USP49: variants seen among roughly 807,000 people sequenced by gnomAD.
The protein encoded by USP49 is ubiquitin carboxyl-terminal hydrolase 49.
A neutral mutation model predicts 58.6 loss-of-function variants in USP49; 24 were observed. The observed-to-expected ratio is 0.41, with a 90% confidence interval of 0.30 to 0.58. The LOEUF (loss-of-function observed/expected upper bound fraction) is 0.58, where lower values mean the gene tolerates loss of function less well. USP49 is among the 20% of genes least tolerant of loss of function. The probability of loss-of-function intolerance (pLI) is 0.30; values close to 1 mark genes in which losing one functional copy is unlikely to be tolerated. For synonymous variants in USP49, 408 were observed against 365.1 expected (o/e 1.12, Z -1.34); for missense variants, 703 against 866.1 (o/e 0.81, Z 2.36).
chr6:41,849,701 G>A (rs906937267), intron 3 of USP49, among the ~76,000 whole-genome samples: 11 of 150,920 alleles, frequency 7.3e-5, no homozygotes, highest in Non-Finnish European at 1.3e-4. Flanking sequence ...TCTGCCTCCC[G>A]GGTTCAAGTG....
At chr6:41,827,522 TG>T (rs1773560388) in intron 3 of USP49, among the ~76,000 whole-genome samples, 2 of 151,630 alleles carry the variant, frequency 1.3e-5, no homozygotes, top group Admixed American at 1.3e-4. Context: ...TAGCCAGCAG[TG>T]GTGGTGGGCG....
chr6:41,806,734 G>A lies in USP49; in HGVS notation c.250C>T (p.Leu84Phe). 2 of 1,614,274 alleles carry A rather than the reference G, an allele frequency of 1.2e-6. No homozygotes were observed. The highest frequency in any genetic ancestry group is 1.7e-6 in the Non-Finnish European group (2 of 1,180,044). Residue 84 changes from leucine to phenylalanine, a missense_variant, in exon 4 of 8, where the codon CTC becomes TTC. By Grantham distance (22) the Leu-to-Phe change is conservative. This residue lies in a region of USP49 where 376 missense variants were observed against 373.5 expected (regional missense o/e 1.01). Coordinates refer to ENST00000682992, the MANE Select transcript of USP49 (RefSeq NM_001286554.2). The surrounding 1 kb of genome is among the most constrained non-coding windows in gnomAD (Gnocchi z 5.9). ...VFCYLCKDYV[L>F]NDNPEGDLKL... ...AGGTCCCCCTCTGGGTTATCATTGA[G>A]CACGTAGTCCTTGCACAGGTAACAG...
chr6:41,809,968 GGT>G (rs1231488441), intron 3 of USP49, among the ~76,000 whole-genome samples: 1 of 150,410 alleles, frequency 6.6e-6, no homozygotes, highest in African/African-American at 2.4e-5. Context: ...TGGCTAACAC[GGT>G]GAAACCCTGT....
At chr6:41,867,904 A>G (rs1301179400) in intron 3 of USP49, among the ~76,000 whole-genome samples, 1 of 152,226 alleles carries the variant, frequency 6.6e-6, no homozygotes, top group Non-Finnish European at 1.5e-5. Flanking sequence ...TTATTTATGA[A>G]TAATCATCTC....
chr6:41,863,107 G>A (rs1391313629), intron 3 of USP49, among the ~76,000 whole-genome samples: 3 of 152,056 alleles, frequency 2.0e-5, no homozygotes, highest in Non-Finnish European at 2.9e-5. Context: ...TATACTAGCT[G>A]CTCCTTAATT....
rs147721474 is a variant in USP49 at position 41,828,108 on chromosome 6, C to T, written c.-28-21097G>A. ...GTCAGCTGACAAAACATATAATCAC[C>T]ACTAAAGCTACCACTCACATAAGAA... On this transcript the variant is annotated intron_variant, in intron 3 of 7. Transcript: ENST00000682992. Among the ~76,000 whole-genome samples, 226 of 152,174 alleles carry T rather than the reference C, an allele frequency of 1.5e-3. No homozygotes were observed. The Middle Eastern group carries it at 0.024, about 16-fold the overall frequency.
intron 1 of USP49, among the ~76,000 whole-genome samples, chr6:41,892,320 GAGT>G (rs1774823226): frequency 6.6e-6 from 1 of 152,124 alleles, no homozygotes; most frequent in African/African-American, 2.4e-5. Context: ...ATACCATACA[GAGT>G]ACGTCCTACT....
At chr6:41,891,651 T>C (rs987164669) in intron 2 of USP49, 143 bp downstream of exon 2, 10 of 152,238 alleles carry the variant, frequency 6.6e-5, no homozygotes, top group African/African-American at 2.2e-4. Context: ...CAAACACATA[T>C]ATAGCATTAA....
At chr6:41,843,109 A>G (rs2127347316) in intron 3 of USP49, among the ~76,000 whole-genome samples, 1 of 152,274 alleles carries the variant, frequency 6.6e-6, no homozygotes, top group East Asian at 1.9e-4. Flanking sequence ...TCTTGGGTTC[A>G]AGTGATTCTC....
chr6:41,847,724 A>G (rs1582018391), intron 3 of USP49, among the ~76,000 whole-genome samples: 2 of 152,016 alleles, frequency 1.3e-5, no homozygotes, highest in South Asian at 4.1e-4. Context: ...AAAAAAAAAA[A>G]GTAGAGTCAC....
At chr6:41,879,582 C>T (rs957431990) in intron 2 of USP49, among the ~76,000 whole-genome samples, 8 of 152,136 alleles carry the variant, frequency 5.3e-5, no homozygotes, top group African/African-American at 1.4e-4. Flanking sequence ...TGCCCTGTCT[C>T]CAAGCAGCTG....
chr6:41,804,290 T>C (rs1773071226), intron 4 of USP49, among the ~76,000 whole-genome samples: 2 of 152,220 alleles, frequency 1.3e-5, no homozygotes, highest in Admixed American at 1.3e-4. Flanking sequence ...TACCATTCAA[T>C]AGTACAGTAG....
intron 3 of USP49, among the ~76,000 whole-genome samples, chr6:41,841,646 T>G (rs1773829494): frequency 6.6e-6 from 1 of 152,220 alleles, no homozygotes. Context: ...CTGTAGCATG[T>G]TACTTGTATC....
chr6:41,860,097 A>G (rs1774193670), intron 3 of USP49, among the ~76,000 whole-genome samples: 1 of 152,220 alleles, frequency 6.6e-6, no homozygotes. Context: ...TGATGGAAAT[A>G]TACACACTTA....
At chr6:41,872,694 C>T (rs927188531) in intron 2 of USP49, among the ~76,000 whole-genome samples, 2 of 149,364 alleles carry the variant, frequency 1.3e-5, no homozygotes, top group African/African-American at 4.9e-5. Context: ...GTCAGGAGAT[C>T]GAGACAATCC....
chr6:41,852,142 A>G (rs1774042110), intron 3 of USP49, among the ~76,000 whole-genome samples: 1 of 151,990 alleles, frequency 6.6e-6, no homozygotes, highest in African/African-American at 2.4e-5. Flanking sequence ...CCTGACCAAC[A>G]TGGTAAAACC....
intron 3 of USP49, among the ~76,000 whole-genome samples, chr6:41,816,618 A>G (rs1019831093): frequency 6.6e-6 from 1 of 152,180 alleles, no homozygotes; most frequent in Non-Finnish European, 1.5e-5. Context: ...ACTAAAAATT[A>G]TTGGTAGTTT....
At chr6:41,832,038 C>T (rs557914288) in intron 3 of USP49, among the ~76,000 whole-genome samples, 2 of 152,298 alleles carry the variant, frequency 1.3e-5, no homozygotes, top group East Asian at 3.9e-4. Flanking sequence ...CAAAGAACAC[C>T]TCATTGTTCA....
intron 3 of USP49, among the ~76,000 whole-genome samples, chr6:41,809,909 T>C (rs1581996016): frequency 6.7e-6 from 1 of 150,004 alleles, no homozygotes; most frequent in South Asian, 2.1e-4. Flanking sequence ...CCCAGCATTT[T>C]GGGAGGCCGA....
Sources: allele counts gnomAD v4.1 joint callset (sites outside exome capture counted in the v4.1 genomes callset), GRCh38; gene constraint gnomAD v4.1.1; regional missense constraint gnomAD v4.1.1; non-coding constraint Gnocchi (gnomAD v3.1); transcripts MANE v1.5; gene names NCBI Gene and HGNC (gene_info 2026-07-23, HGNC 2026-07-21).